IQGAP2: variants seen among roughly 807,000 people sequenced by gnomAD.
The protein encoded by IQGAP2 is IQ motif containing GTPase activating protein 2.
IQGAP2 carries 173 observed loss-of-function variants against 201.3 expected under a neutral mutation model. The observed-to-expected ratio is 0.86, with a 90% confidence interval of 0.76 to 0.98. IQGAP2 has a LOEUF of 0.98. Among genes scored for constraint, IQGAP2 ranks in the 50% least tolerant of loss-of-function variants. The probability of loss-of-function intolerance (pLI) is 0.00; values close to 1 mark genes in which losing one functional copy is unlikely to be tolerated. For synonymous variants in IQGAP2, 675 were observed against 673.9 expected (o/e 1.00, Z -0.03); for missense variants, 1,687 against 1,864.8 (o/e 0.90, Z 1.76).
chr5:76,597,609 C>T lies in IQGAP2; in HGVS notation c.1071+7C>T. ...CCAGAAACAGAACACCATGGTAAGT[C>T]AGAGGAGACCCCAGCTGTGGGGACG... On this transcript the variant is annotated splice_region_variant and intron_variant, in intron 10 of 35. Coordinates refer to ENST00000274364, the MANE Select transcript of IQGAP2 (RefSeq NM_006633.5). 6.2e-7 allele frequency: 1 copy of T among 1,613,706 alleles called. No homozygotes were observed. Among genetic ancestry groups the T allele is most frequent in the South Asian group, 1.1e-5 (1 of 91,032 alleles).
At chr5:76,416,673 G>A (rs150278218) in intron 1 of IQGAP2, among the ~76,000 whole-genome samples, 6 of 152,130 alleles carry the variant, frequency 3.9e-5, no homozygotes, top group East Asian at 1.9e-4. Flanking sequence ...GACTACAGGC[G>A]CATGCCACCA....
chr5:76,626,709 A>G (rs539493257), intron 13 of IQGAP2, among the ~76,000 whole-genome samples: 1 of 152,306 alleles, frequency 6.6e-6, no homozygotes, highest in Non-Finnish European at 1.5e-5. Context: ...AATTAAAAAT[A>G]TCCCATGGTA....
intron 1 of IQGAP2, among the ~76,000 whole-genome samples, chr5:76,410,934 ACTT>A (rs1319655638): frequency 1.3e-5 from 2 of 152,158 alleles, no homozygotes; most frequent in Non-Finnish European, 2.9e-5. Context: ...ATTGTGTATG[ACTT>A]CTTCTTGCCA....
chr5:76,703,406 T>G (rs1398623728), intron 35 of IQGAP2, among the ~76,000 whole-genome samples: 1 of 152,158 alleles, frequency 6.6e-6, no homozygotes, highest in East Asian at 1.9e-4. Flanking sequence ...TCTGCCTGGC[T>G]TAGCCTCCAA....
intron 14 of IQGAP2, among the ~76,000 whole-genome samples, chr5:76,627,871 C>A (rs1026268384): frequency 6.6e-5 from 10 of 152,132 alleles, no homozygotes; most frequent in Non-Finnish European, 1.5e-4. Flanking sequence ...AGAAACAGAA[C>A]CAATAGGAGA....
intron 2 of IQGAP2, among the ~76,000 whole-genome samples, chr5:76,487,612 C>T (rs1413099264): frequency 1.3e-5 from 2 of 152,196 alleles, no homozygotes; most frequent in Non-Finnish European, 2.9e-5. Context: ...TTCCCTCCTC[C>T]ACTTCACCAC....
chr5:76,552,219 C>G (rs1446002594), intron 2 of IQGAP2, among the ~76,000 whole-genome samples: 2 of 152,184 alleles, frequency 1.3e-5, no homozygotes, highest in Non-Finnish European at 2.9e-5. Flanking sequence ...CCCCTTTAGT[C>G]CAAGTCAGCA....
intron 19 of IQGAP2, among the ~76,000 whole-genome samples, chr5:76,654,558 A>G (rs462219): frequency 0.64 from 96,918 of 152,078 alleles, 31,184 homozygotes; most frequent in South Asian, 0.82. Flanking sequence ...TTACAGCATT[A>G]CATATGTAGT....
chr5:76,565,848 C>T (rs970249175), intron 3 of IQGAP2, among the ~76,000 whole-genome samples: 3 of 152,164 alleles, frequency 2.0e-5, no homozygotes, highest in Non-Finnish European at 4.4e-5. Flanking sequence ...GCAGAACCAC[C>T]TAATGGGTGT....
At chr5:76,622,033 G>A (rs1386575153) in intron 13 of IQGAP2, among the ~76,000 whole-genome samples, 1 of 152,016 alleles carries the variant, frequency 6.6e-6, no homozygotes, top group Non-Finnish European at 1.5e-5. Flanking sequence ...ATGGCTTCAG[G>A]CTGCTAAAAG....
At chr5:76,613,011 G>A (rs529731112) in intron 13 of IQGAP2, among the ~76,000 whole-genome samples, 14 of 152,142 alleles carry the variant, frequency 9.2e-5, no homozygotes, top group Non-Finnish European at 1.5e-4. Context: ...CCATGGTGGC[G>A]CCCTCTGCAC....
At chr5:76,525,277 A>G (rs949653815) in intron 2 of IQGAP2, among the ~76,000 whole-genome samples, 36 of 152,346 alleles carry the variant, frequency 2.4e-4, no homozygotes, top group African/African-American at 7.9e-4. Context: ...GCCAGCCGGC[A>G]ATGCTAGGGT....
chr5:76,638,861 T>C (rs963235876), intron 16 of IQGAP2, among the ~76,000 whole-genome samples: 14 of 152,100 alleles, frequency 9.2e-5, no homozygotes, highest in African/African-American at 3.1e-4. Flanking sequence ...CGAATGGCCT[T>C]GTTTGTGAGG....
At chr5:76,459,236 C>T (rs567747925) in intron 1 of IQGAP2, among the ~76,000 whole-genome samples, 1 of 152,220 alleles carries the variant, frequency 6.6e-6, no homozygotes, top group African/African-American at 2.4e-5. Flanking sequence ...TTTGTGGAGG[C>T]AGTTGTGGGC....
At chr5:76,493,605 C>A (rs913013320) in intron 2 of IQGAP2, among the ~76,000 whole-genome samples, 9 of 152,144 alleles carry the variant, frequency 5.9e-5, no homozygotes, top group Admixed American at 5.9e-4. Context: ...GCTCCCCCCA[C>A]CCCATAGGTG....
chr5:76,432,335 G>A (rs1356265582), intron 1 of IQGAP2, among the ~76,000 whole-genome samples: 1 of 152,026 alleles, frequency 6.6e-6, no homozygotes, highest in South Asian at 2.1e-4. Flanking sequence ...CTGTTGGCCA[G>A]GCTGGTCTCG....
chr5:76,471,204 G>C (rs1029652247), intron 2 of IQGAP2, among the ~76,000 whole-genome samples: 2 of 152,090 alleles, frequency 1.3e-5, no homozygotes, highest in African/African-American at 4.8e-5. Context: ...GACGGAGTTT[G>C]CAAATTGCAG....
chr5:76,418,350 G>A (rs1332656813), intron 1 of IQGAP2, among the ~76,000 whole-genome samples: 1 of 151,880 alleles, frequency 6.6e-6, no homozygotes, highest in Non-Finnish European at 1.5e-5. Flanking sequence ...GTCCATCTTA[G>A]CATTTCTTTT....
chr5:76,441,145 G>C (rs1007591215), intron 1 of IQGAP2, among the ~76,000 whole-genome samples: 1 of 152,012 alleles, frequency 6.6e-6, no homozygotes, highest in Admixed American at 6.6e-5. Flanking sequence ...TCCTCATTTC[G>C]TGAGCGGAAA....
Sources: allele counts gnomAD v4.1 joint callset (sites outside exome capture counted in the v4.1 genomes callset), GRCh38; gene constraint gnomAD v4.1.1; transcripts MANE v1.5; gene names NCBI Gene and HGNC (gene_info 2026-07-23, HGNC 2026-07-21).